ANKRD12: variants seen among roughly 807,000 people sequenced by gnomAD.
ANKRD12 encodes ankyrin repeat domain-containing protein 12.
ANKRD12 carries 85 observed loss-of-function variants against 183.4 expected under a neutral mutation model. The observed-to-expected ratio is 0.46, with a 90% CI of 0.39 to 0.56. The LOEUF (loss-of-function observed/expected upper bound fraction) is 0.56. Among genes scored for constraint, ANKRD12 ranks in the 20% least tolerant of loss-of-function variants. The pLI is 0.00. For missense variants in ANKRD12, 2,405 were observed against 2,357.1 expected (o/e 1.02, Z -0.42); for synonymous variants, 914 against 800.2 (o/e 1.14, Z -2.40).
At chr18:9,177,059 G>A (rs1237952824) in intron 1 of ANKRD12, among the ~76,000 whole-genome samples, 1 of 152,190 alleles carries the variant, frequency 6.6e-6, no homozygotes, top group Non-Finnish European at 1.5e-5. Flanking sequence ...TCTATAAACT[G>A]CATCATTTAG....
At chr18:9,224,587 G>A (rs1873907125) in intron 8 of ANKRD12, among the ~76,000 whole-genome samples, 1 of 152,152 alleles carries the variant, frequency 6.6e-6, no homozygotes, top group South Asian at 2.1e-4. Flanking sequence ...TGGTGAGCTT[G>A]GAGTGAAGCT....
At chr18:9,137,419 T>G (rs1239172742) in intron 1 of ANKRD12, 1 of 145,796 alleles carries the variant, frequency 6.9e-6, no homozygotes, top group East Asian at 2.0e-4. Context: ...CGGAGGAGCG[T>G]GTGCGTGCGA....
chr18:9,213,805 T>C (rs557554570), intron 6 of ANKRD12, among the ~76,000 whole-genome samples: 90 of 152,062 alleles, frequency 5.9e-4, no homozygotes, highest in African/African-American at 1.7e-3. Context: ...TTAGTTAAAA[T>C]AAGTATTAAG....
intron 1 of ANKRD12, among the ~76,000 whole-genome samples, chr18:9,145,499 C>T (rs2078464063): frequency 6.6e-6 from 1 of 152,156 alleles, no homozygotes; most frequent in African/African-American, 2.4e-5. Flanking sequence ...CCTTAATCAT[C>T]CAAATTGCTT....
At chr18:9,187,256 C>CA (rs945818885) in intron 2 of ANKRD12, among the ~76,000 whole-genome samples, 131 of 142,594 alleles carry the variant, frequency 9.2e-4, no homozygotes, top group Non-Finnish European at 1.4e-3. Context: ...CCGTCTCTAC[C>CA]AAAAAAAAAA....
At chr18:9,173,851 G>A (rs965343873) in intron 1 of ANKRD12, among the ~76,000 whole-genome samples, 5 of 152,172 alleles carry the variant, frequency 3.3e-5, no homozygotes, top group Non-Finnish European at 5.9e-5. Flanking sequence ...GAAAGGCTGA[G>A]TCATTCGTGT....
intron 1 of ANKRD12, among the ~76,000 whole-genome samples, chr18:9,168,581 T>G (rs1359888629): frequency 6.6e-6 from 1 of 152,214 alleles, no homozygotes; most frequent in African/African-American, 2.4e-5. Context: ...TTTGTCATTT[T>G]TTATTGCGTC....
At chr18:9,213,076 A>G (rs534161618) in intron 6 of ANKRD12, among the ~76,000 whole-genome samples, 8 of 151,906 alleles carry the variant, frequency 5.3e-5, no homozygotes, top group Admixed American at 5.2e-4. Context: ...TTTATGTATC[A>G]TATCAATTGA....
intron 1 of ANKRD12, 137 bp from the exon 2 acceptor site, chr18:9,182,245 C>T (rs1411386130): frequency 3.4e-6 from 1 of 290,556 alleles, no homozygotes; most frequent in African/African-American, 2.2e-5. Context: ...AAGGTGAAAA[C>T]TTACTTTAGC....
chr18:9,216,659 A>G, intron 6 of ANKRD12, 99 bp from the exon 7 acceptor site: 7 of 1,206,572 alleles, frequency 5.8e-6, no homozygotes, highest in Non-Finnish European at 6.9e-6. Flanking sequence ...CACGATGTGC[A>G]GTTTTAGAAT....
At chr18:9,149,852 G>A (rs2078626553) in intron 1 of ANKRD12, among the ~76,000 whole-genome samples, 1 of 148,170 alleles carries the variant, frequency 6.7e-6, no homozygotes, top group Non-Finnish European at 1.5e-5. Context: ...CTGGAGTATA[G>A]TGGTGCAATC....
In ANKRD12 at chr18:9,263,783, T is replaced by C; in HGVS notation, c.5665-7T>C. The C allele has an allele frequency of 6.5e-7, 1 of 1,534,828 alleles. No individual in the cohort carries two copies. Among genetic ancestry groups the C allele is most frequent in the Non-Finnish European group, 8.8e-7 (1 of 1,134,052 alleles). Reference sequence around the variant, plus strand: ...ATATTTTAAACTATATATATCTTTTTAATTAGATTACACCACCACCTTCAC... The same window carrying C: ...ATATTTTAAACTATATATATCTTTTCAATTAGATTACACCACCACCTTCAC... On this transcript the variant is annotated splice_region_variant and splice_polypyrimidine_tract_variant and intron_variant, in intron 9 of 12. Coordinates refer to ENST00000262126, the MANE Select transcript of ANKRD12 (RefSeq NM_015208.5).
chr18:9,197,455 CT>C (rs1567905519), intron 3 of ANKRD12, among the ~76,000 whole-genome samples: 18 of 152,344 alleles, frequency 1.2e-4, no homozygotes, highest in Non-Finnish European at 5.9e-5. Flanking sequence ...CGCCAACCCC[CT>C]TTTTCCCCCT....
intron 8 of ANKRD12, among the ~76,000 whole-genome samples, chr18:9,239,995 C>CT (rs888239844): frequency 2.0e-5 from 3 of 152,108 alleles, no homozygotes; most frequent in African/African-American, 7.2e-5. Context: ...GCCAGAATGT[C>CT]TGTCAGTACA....
rs539778850 is a variant in ANKRD12 at position 9,285,123 on chromosome 18, G to T, written c.*3997G>T. ...ACTCGGGAGGCTGAGGCAGGAGAAT[G>T]GCGTGAGCCTGGGAGGCGGAGCTTG... On this transcript the variant is annotated 3_prime_UTR_variant, in exon 13 of 13. Transcript: ENST00000262126. 1 of 152,212 alleles carries T rather than the reference G, an allele frequency of 6.6e-6. No homozygotes were observed. Among genetic ancestry groups the T allele is most frequent in the South Asian group, 2.1e-4 (1 of 4,828 alleles). The allele number at this position is 152,212 out of a possible 1,614,324, so 9.4% of individuals were successfully genotyped here.
At chr18:9,155,925 A>G (rs2030356447) in intron 1 of ANKRD12, among the ~76,000 whole-genome samples, 5 of 152,144 alleles carry the variant, frequency 3.3e-5, no homozygotes, top group African/African-American at 9.7e-5. Flanking sequence ...GCTTGAGGCC[A>G]GGAATTCCAA....
chr18:9,280,189 C>T (rs1487361277), intron 12 of ANKRD12, among the ~76,000 whole-genome samples: 5 of 152,170 alleles, frequency 3.3e-5, no homozygotes, highest in Non-Finnish European at 5.9e-5. Context: ...AAACTTTCAC[C>T]TCAGATCATC....
chr18:9,229,470 C>T (rs2036917528), intron 8 of ANKRD12, among the ~76,000 whole-genome samples: 1 of 152,040 alleles, frequency 6.6e-6, no homozygotes, highest in African/African-American at 2.4e-5. Context: ...CAGTTTCTTC[C>T]ATCAGCGTTT....
chr18:9,143,846 T>C (rs1304851508), intron 1 of ANKRD12, among the ~76,000 whole-genome samples: 2 of 152,184 alleles, frequency 1.3e-5, no homozygotes, highest in African/African-American at 4.8e-5. Flanking sequence ...TGTCCTCATG[T>C]TATTGAAAGT....
Sources: gnomAD v4.1 joint callset for allele counts (sites outside exome capture counted in the v4.1 genomes callset) on GRCh38, gnomAD v4.1.1 for gene constraint, MANE v1.5 for transcripts, NCBI Gene and HGNC (gene_info 2026-07-23, HGNC 2026-07-21) for gene names.